Variants in USP54 observed in about 807,000 individuals in gnomAD.
The protein encoded by USP54 is ubiquitin specific peptidase 54.
A neutral mutation model predicts 170.5 loss-of-function variants in USP54; 87 were observed. The observed-to-expected ratio is 0.51, with a 90% CI of 0.43 to 0.61. The LOEUF is 0.61. USP54 is among the 20% of genes least tolerant of loss of function. The pLI is 0.00. For missense variants in USP54, 1,786 were observed against 2,047.8 expected (o/e 0.87, Z 2.47); for synonymous variants, 655 against 742.8 (o/e 0.88, Z 1.92).
At chr10:73,602,091 A>G (rs757909156) in intron 1 of USP54, among the ~76,000 whole-genome samples, 2 of 152,226 alleles carry the variant, frequency 1.3e-5, no homozygotes, top group Non-Finnish European at 2.9e-5. Context: ...TAAATTAGCC[A>G]AGGCAGCTAA....
At chr10:73,604,592 A>ATTT (rs71021554) in intron 1 of USP54, among the ~76,000 whole-genome samples, 9 of 141,602 alleles carry the variant, frequency 6.4e-5, no homozygotes, top group Non-Finnish European at 6.1e-5. Flanking sequence ...ATCTCCACAA[A>ATTT]TTTTTTTTTT....
At chr10:73,530,570 T>A (rs778149530) in intron 13 of USP54, 47 bp from the exon 14 acceptor site, 27 of 1,574,684 alleles carry the variant, frequency 1.7e-5, no homozygotes. Context: ...AAAGTGATCA[T>A]GGATACTAGA....
At chr10:73,502,988 A>G (rs2058430954) in intron 22 of USP54, among the ~76,000 whole-genome samples, 1 of 152,198 alleles carries the variant, frequency 6.6e-6, no homozygotes, top group African/African-American at 2.4e-5. Flanking sequence ...CCAGGCAGGC[A>G]CCAACTCCCA....
At chr10:73,623,825 T>G (rs1015320845) in intron 1 of USP54, among the ~76,000 whole-genome samples, 1 of 151,958 alleles carries the variant, frequency 6.6e-6, no homozygotes, top group African/African-American at 2.4e-5. Context: ...AAAGATCGAG[T>G]TCTACCTGTA....
chr10:73,500,912 G>A, intron 22 of USP54, 74 bp from the exon 23 acceptor site: 1 of 1,485,298 alleles, frequency 6.7e-7, no homozygotes, highest in Non-Finnish European at 9.0e-7. Flanking sequence ...GGTAAACACA[G>A]TGAGGCAAGC....
At chr10:73,503,401 T>C (rs1450042918) in intron 22 of USP54, among the ~76,000 whole-genome samples, 1 of 152,214 alleles carries the variant, frequency 6.6e-6, no homozygotes, top group East Asian at 1.9e-4. Flanking sequence ...AACTCACCAT[T>C]GTAGCTCCAG....
chr10:73,605,777 G>A (rs1019932356), intron 1 of USP54, among the ~76,000 whole-genome samples: 4 of 152,124 alleles, frequency 2.6e-5, no homozygotes, highest in African/African-American at 7.2e-5. Context: ...GAGGCATGAA[G>A]AATAGTCAAA....
rs199835124 is a variant in USP54, at chr10:73,620,498, TTC to T, written c.-18+5067_-18+5068del. On this transcript the variant is annotated intron_variant, in intron 1 of 22. Transcript: ENST00000339859. Reference sequence around the variant, plus strand: ...CTGGGGATTCTTTTTTTTTTTTTTTTTCTCAGTAGAAATAGGGTCTCACTCTG... The same window carrying T: ...CTGGGGATTCTTTTTTTTTTTTTTTTTCAGTAGAAATAGGGTCTCACTCTG... 3.6e-4 allele frequency among the ~76,000 whole-genome samples: 53 copies of T among 147,792 alleles called. 2 individuals carry two copies. In the South Asian group the frequency reaches 9.1e-3, roughly 25 times the overall value.
intron 10 of USP54, 144 bp downstream of exon 10, chr10:73,539,300 A>G (rs992231034): frequency 3.1e-6 from 1 of 320,670 alleles, no homozygotes; most frequent in African/African-American, 2.4e-5. Flanking sequence ...AAATTAAAAA[A>G]AAAAAAAATA....
At chr10:73,622,300 ATATTTATTTATTTATTTATT>A (rs112001853) in intron 1 of USP54, among the ~76,000 whole-genome samples, 9 of 149,660 alleles carry the variant, frequency 6.0e-5, no homozygotes, top group African/African-American at 2.2e-4. Flanking sequence ...GACTGTTGTA[ATATTTATTTATTTATTTATT>A]TATTTATTTA....
At position 73,498,988 on chromosome 10, in the gene USP54, G is replaced by T; in HGVS notation, c.4696C>A (p.Leu1566Ile). 1.2e-6 allele frequency: 2 copies of T among 1,614,170 alleles called. No homozygotes were observed. Among genetic ancestry groups the T allele is most frequent in the Non-Finnish European group, 1.7e-6 (2 of 1,180,032 alleles). The change falls in exon 24 of 24, where the codon CTA becomes ATA. Residue 1566 changes from leucine to isoleucine, a missense_variant. By Grantham distance (5) the Leu-to-Ile change is conservative. Transcript: ENST00000687698. ...FLTTPGCNPQ[L>I]TYTATLPERS... ...TCTGGTAGTGTGGCAGTGTAGGTTA[G>T]TTGAGGATTGCACCCTGGAGTAGTC...
intron 1 of USP54, among the ~76,000 whole-genome samples, chr10:73,621,895 T>C (rs2081124063): frequency 6.6e-6 from 1 of 152,136 alleles, no homozygotes; most frequent in Admixed American, 6.6e-5. Flanking sequence ...CCATAGGTAG[T>C]GTAAATATCT....
At chr10:73,601,368 G>T (rs553742095) in intron 1 of USP54, among the ~76,000 whole-genome samples, 1 of 152,150 alleles carries the variant, frequency 6.6e-6, no homozygotes, top group Non-Finnish European at 1.5e-5. Flanking sequence ...AATAAAGTTA[G>T]AACCACCTAA....
At chr10:73,546,706 C>T (rs771834071) in intron 4 of USP54, 1 of 152,080 alleles carries the variant, frequency 6.6e-6, no homozygotes, top group African/African-American at 2.4e-5. Flanking sequence ...TATTTAGCAT[C>T]GTTTTTGAGA....
chr10:73,578,293 T>C (rs776159044), intron 1 of USP54, among the ~76,000 whole-genome samples: 3 of 152,210 alleles, frequency 2.0e-5, no homozygotes, highest in Non-Finnish European at 4.4e-5. Flanking sequence ...ATTGTAGATA[T>C]AGCATTAAAC....
At position 73,619,558 on chromosome 10, in the gene USP54, AG is replaced by A. The variant is rs1458708436; in HGVS notation, c.-18+6008del. Among the ~76,000 whole-genome samples, 2 of 150,182 alleles carry A rather than the reference AG, an allele frequency of 1.3e-5. 1 individual carries two copies. The highest frequency in any genetic ancestry group is 5.0e-5 in the African/African-American group (2 of 39,658). ...AAAAAAAAAAAAAAAGAAAGAAAAA[AG>A]AAAGTTCTCTAGGGAGAACTGCTGG... On this transcript the variant is annotated intron_variant, in intron 1 of 22. Coordinates refer to the USP54 transcript ENST00000339859.
intron 11 of USP54, 158 bp downstream of exon 11, chr10:73,536,111 A>C: frequency 2.0e-6 from 2 of 1,003,904 alleles, no homozygotes; most frequent in South Asian, 1.4e-5. Flanking sequence ...GGCTGGCCCA[A>C]GTTAGGCTTC....
At chr10:73,616,311 C>T (rs1232775895) in intron 1 of USP54, among the ~76,000 whole-genome samples, 1 of 126,412 alleles carries the variant, frequency 7.9e-6, no homozygotes, top group African/African-American at 3.5e-5. Context: ...GCACTCCAGC[C>T]TAGGCGACAG....
At chr10:73,617,288 C>A (rs1386477248) in intron 1 of USP54, among the ~76,000 whole-genome samples, 1 of 148,192 alleles carries the variant, frequency 6.7e-6, no homozygotes, top group Non-Finnish European at 1.5e-5. Flanking sequence ...AAGAGCGAAA[C>A]CCTGTCTCAA....
Sources: allele counts gnomAD v4.1 joint callset (sites outside exome capture counted in the v4.1 genomes callset), GRCh38; gene constraint gnomAD v4.1.1; transcripts MANE v1.5; gene names NCBI Gene and HGNC (gene_info 2026-07-23, HGNC 2026-07-21).